UMAD1: variants seen among roughly 807,000 people sequenced by gnomAD.
UMAD1 encodes the protein UBAP1-MVB12-associated (UMA)-domain containing protein 1.
A neutral mutation model predicts 6.1 loss-of-function variants in UMAD1; 8 were observed. The ratio of observed to expected loss-of-function variants is 1.30; its 90% CI spans 0.76 to 2.35. The LOEUF (loss-of-function observed/expected upper bound fraction) is 2.35. Ranked by LOEUF, UMAD1 falls within the 30% of genes most tolerant of loss-of-function variation. The pLI is 0.00. For synonymous variants in UMAD1, 56 were observed against 31.4 expected (o/e 1.78, Z -2.61); for missense variants, 130 against 78.4 (o/e 1.66, Z -2.49).
At chr7:7,848,643 G>A (rs1339130035) in intron 3 of UMAD1, among the ~76,000 whole-genome samples, 1 of 152,106 alleles carries the variant, frequency 6.6e-6, no homozygotes, top group Non-Finnish European at 1.5e-5. Context: ...GAAAGGGAGA[G>A]ATTTATGAAA....
intron 1 of UMAD1, among the ~76,000 whole-genome samples, chr7:7,649,854 A>G (rs1324751588): frequency 1.3e-5 from 2 of 152,160 alleles, no homozygotes; most frequent in Non-Finnish European, 2.9e-5. Context: ...TGCCCTTATA[A>G]AAGAGTCAGA....
At chr7:7,776,211 A>C (rs1399566219) in intron 2 of UMAD1, among the ~76,000 whole-genome samples, 6 of 152,220 alleles carry the variant, frequency 3.9e-5, no homozygotes, top group Admixed American at 2.6e-4. Context: ...TTGTAGTTCC[A>C]GCTACTTGAG....
intron 1 of UMAD1, among the ~76,000 whole-genome samples, chr7:7,646,971 C>G (rs1583689551): frequency 6.6e-6 from 1 of 152,274 alleles, no homozygotes; most frequent in African/African-American, 2.4e-5. Flanking sequence ...AAGGGTGGAG[C>G]CCTCGCCAGG....
chr7:7,651,390 A>G (rs1014186483), intron 1 of UMAD1, among the ~76,000 whole-genome samples: 1 of 152,166 alleles, frequency 6.6e-6, no homozygotes, highest in African/African-American at 2.4e-5. Context: ...CCAAAAGGCA[A>G]CATTTGGGTA....
intron 3 of UMAD1, among the ~76,000 whole-genome samples, chr7:7,813,722 A>G (rs1291379119): frequency 6.6e-6 from 1 of 152,178 alleles, no homozygotes; most frequent in Non-Finnish European, 1.5e-5. Context: ...CATGCTGTTT[A>G]TTTGTTCATC....
intron 2 of UMAD1, among the ~76,000 whole-genome samples, chr7:7,731,070 C>A (rs1172761663): frequency 6.6e-6 from 1 of 152,214 alleles, no homozygotes; most frequent in Non-Finnish European, 1.5e-5. Flanking sequence ...CCAATCTCGG[C>A]TCATTGCAAC....
chr7:7,666,283 A>G (rs1779453907), intron 1 of UMAD1, among the ~76,000 whole-genome samples: 1 of 152,066 alleles, frequency 6.6e-6, no homozygotes, highest in African/African-American at 2.4e-5. Flanking sequence ...GCCTCATTGC[A>G]TGCTCGACAT....
chr7:7,673,286 A>G (rs1779651714), intron 1 of UMAD1, 23 bp from the exon 2 acceptor site: 1 of 1,147,904 alleles, frequency 8.7e-7, no homozygotes, highest in Non-Finnish European at 1.3e-6. Context: ...TGAATTTGAC[A>G]TTGTGTAATG....
At chr7:7,720,172 T>G (rs894772316) in intron 2 of UMAD1, among the ~76,000 whole-genome samples, 2 of 152,170 alleles carry the variant, frequency 1.3e-5, no homozygotes, top group African/African-American at 4.8e-5. Flanking sequence ...TGCTTGTTAA[T>G]CTTAATTGTA....
At chr7:7,664,530 A>T (rs1018143991) in intron 1 of UMAD1, among the ~76,000 whole-genome samples, 2 of 152,156 alleles carry the variant, frequency 1.3e-5, no homozygotes, top group African/African-American at 4.8e-5. Flanking sequence ...TCTGTTGCTT[A>T]TCTACATGGT....
At chr7:7,838,709 A>G (rs1279416338) in intron 3 of UMAD1, among the ~76,000 whole-genome samples, 2 of 152,198 alleles carry the variant, frequency 1.3e-5, no homozygotes, top group African/African-American at 2.4e-5. Context: ...TCATCCACAG[A>G]ATGAATAAAT....
chr7:7,786,822 A>T (rs1782470120), intron 2 of UMAD1, among the ~76,000 whole-genome samples: 1 of 152,140 alleles, frequency 6.6e-6, no homozygotes, highest in African/African-American at 2.4e-5. Context: ...TAGGAGGAGG[A>T]AGGTTTGCCT....
At chr7:7,870,028 C>G (rs12665898) in intron 3 of UMAD1, among the ~76,000 whole-genome samples, 96,099 of 151,996 alleles carry the variant, frequency 0.63, 30,613 homozygotes, top group Admixed American at 0.68. Context: ...AAGGGAGGAA[C>G]AGTGCCTGTA....
At chr7:7,739,693 T>G (rs10486187) in intron 2 of UMAD1, among the ~76,000 whole-genome samples, 1 of 152,116 alleles carries the variant, frequency 6.6e-6, no homozygotes, top group East Asian at 1.9e-4. Flanking sequence ...TTTCCTGATA[T>G]TATGTTAAAA....
chr7:7,731,646 A>G (rs532607829), intron 2 of UMAD1, among the ~76,000 whole-genome samples: 6 of 152,222 alleles, frequency 3.9e-5, no homozygotes, highest in Non-Finnish European at 8.8e-5. Context: ...CTATTTGTTT[A>G]TAAGCTGCCG....
At chr7:7,679,711 A>AATAT (rs372324513) in intron 2 of UMAD1, among the ~76,000 whole-genome samples, 2 of 128,432 alleles carry the variant, frequency 1.6e-5, no homozygotes, top group African/African-American at 3.2e-5. Flanking sequence ...TTTATAGATA[A>AATAT]ATATATATAT....
Position 7,648,769 on chromosome 7 carries a change from CTT to C in UMAD1, c.-64+7949_-64+7950del, listed in dbSNP as rs529755287. Among the ~76,000 whole-genome samples the C allele has an allele frequency of 4.6e-5, 7 of 152,000 alleles. No homozygotes were observed. The South Asian group carries it at 1.5e-3, about 32-fold the overall frequency. ...TTGGGAGGCTGAGGTGGGAGGATGG[CTT>C]GAGTTCAGGAGGTGGAGGTTGCAGT... On this transcript the variant is annotated intron_variant, in intron 1 of 3. Transcript: ENST00000682710.
At chr7:7,688,550 C>A (rs1428481983) in intron 2 of UMAD1, among the ~76,000 whole-genome samples, 1 of 152,178 alleles carries the variant, frequency 6.6e-6, no homozygotes, top group Non-Finnish European at 1.5e-5. Flanking sequence ...TGTTCAGTGT[C>A]AAGATCTCAG....
chr7:7,843,978 A>G (rs117661852), intron 3 of UMAD1, among the ~76,000 whole-genome samples: 1 of 152,206 alleles, frequency 6.6e-6, no homozygotes, highest in African/African-American at 2.4e-5. Context: ...ACTGAGTGAG[A>G]TACTAATTCT....
Sources: gnomAD v4.1 joint callset for allele counts (sites outside exome capture counted in the v4.1 genomes callset) on GRCh38, gnomAD v4.1.1 for gene constraint, MANE v1.5 for transcripts, NCBI Gene and HGNC (gene_info 2026-07-23, HGNC 2026-07-21) for gene names.